The following DGKB variants were observed in gnomAD, a reference collection of about 807,000 sequenced individuals.
DGKB encodes the protein 90 kDa diacylglycerol kinase.
Under a neutral mutation model 114.3 loss-of-function variants are expected in DGKB, and 67 were observed. That is an observed-to-expected ratio of 0.59 (90% CI 0.48 to 0.72). The LOEUF (loss-of-function observed/expected upper bound fraction) is 0.72, where lower values mean the gene tolerates loss of function less well. Among genes scored for constraint, DGKB ranks in the 30% least tolerant of loss-of-function variants. DGKB has a pLI of 0.00. For synonymous variants in DGKB, 398 were observed against 323.1 expected, an observed-to-expected ratio of 1.23 and a Z score of -2.49; for missense variants, 907 against 975.2, an observed-to-expected ratio of 0.93 and a Z score of 0.93.
intron 23 of DGKB, among the ~76,000 whole-genome samples, chr7:14,202,705 C>T (rs1428092941): frequency 1.3e-5 from 2 of 151,886 alleles, no homozygotes; most frequent in South Asian, 4.1e-4. Context: ...CAATTTGATA[C>T]TATTATTAAA....
At chr7:14,934,441 T>C (rs1785177873) in intron 1 of DGKB, among the ~76,000 whole-genome samples, 1 of 152,182 alleles carries the variant, frequency 6.6e-6, no homozygotes, top group Non-Finnish European at 1.5e-5. Context: ...GCTGGAGTAC[T>C]TGACATACTA....
At chr7:14,524,702 G>A (rs540949682) in intron 20 of DGKB, among the ~76,000 whole-genome samples, 10 of 149,774 alleles carry the variant, frequency 6.7e-5, no homozygotes, top group Admixed American at 1.3e-4. Context: ...GTTGCAGTGA[G>A]TGGAGATCGC....
intron 13 of DGKB, among the ~76,000 whole-genome samples, chr7:14,635,703 ATGTTTG>A (rs1394887393): frequency 6.6e-6 from 1 of 151,590 alleles, no homozygotes; most frequent in Non-Finnish European, 1.5e-5. Context: ...ATATGTGATT[ATGTTTG>A]TGTATGTTTG....
At chr7:14,389,880 G>A (rs1821057476) in intron 21 of DGKB, among the ~76,000 whole-genome samples, 1 of 152,168 alleles carries the variant, frequency 6.6e-6, no homozygotes, top group Non-Finnish European at 1.5e-5. Context: ...TCGTTATCTA[G>A]TTCAGCTCTC....
chr7:14,746,852 A>AT (rs1278528564), intron 4 of DGKB, among the ~76,000 whole-genome samples: 1 of 152,188 alleles, frequency 6.6e-6, no homozygotes, highest in Non-Finnish European at 1.5e-5. Flanking sequence ...ATCTTTCTGA[A>AT]TAAAAACTTC....
intron 23 of DGKB, among the ~76,000 whole-genome samples, chr7:14,260,264 C>T (rs1268571990): frequency 2.6e-5 from 4 of 152,094 alleles, no homozygotes; most frequent in Non-Finnish European, 1.5e-5. Flanking sequence ...TGCTGACTTC[C>T]AAACAGAAAT....
intron 21 of DGKB, among the ~76,000 whole-genome samples, chr7:14,368,981 T>C (rs1817170305): frequency 2.6e-5 from 4 of 152,136 alleles, no homozygotes; most frequent in Non-Finnish European, 5.9e-5. Flanking sequence ...TGCAGGTTTG[T>C]TACATAGGTA....
chr7:14,641,796 A>AT (rs150411983), intron 13 of DGKB, among the ~76,000 whole-genome samples: 4 of 152,098 alleles, frequency 2.6e-5, no homozygotes, highest in Admixed American at 6.5e-5. Context: ...TAGAATAAGC[A>AT]TTTTTTTATT....
chr7:14,678,794 T>G (rs1820324600), intron 12 of DGKB, among the ~76,000 whole-genome samples: 1 of 151,914 alleles, frequency 6.6e-6, no homozygotes, highest in Non-Finnish European at 1.5e-5. Flanking sequence ...AGTCAAGAGG[T>G]GCTAAGAGCT....
At chr7:14,421,908 C>A (rs1332952958) in intron 21 of DGKB, among the ~76,000 whole-genome samples, 1 of 151,902 alleles carries the variant, frequency 6.6e-6, no homozygotes, top group African/African-American at 2.4e-5. Context: ...AATATCTCAC[C>A]ATGTTTCCAT....
chr7:14,376,734 G>C (rs1246896216), intron 21 of DGKB, among the ~76,000 whole-genome samples: 1 of 152,164 alleles, frequency 6.6e-6, no homozygotes, highest in Non-Finnish European at 1.5e-5. Context: ...CTAAACGTGT[G>C]AGAAGCCATT....
At chr7:14,174,673 ACCACGAGTTTTACCACTATTT>A (rs1448659859) in intron 25 of DGKB, among the ~76,000 whole-genome samples, 18 of 152,084 alleles carry the variant, frequency 1.2e-4, no homozygotes, top group Non-Finnish European at 2.9e-5. Flanking sequence ...CACCACCATT[ACCACGAGTTTTACCACTATTT>A]CCACCATCAC....
rs77392818 is a variant in DGKB, at chr7:14,585,753, G to A, written c.1434-2616C>T. ...TTTTCCAACAGCACATGCTCACTTG[G>A]TGTCTGTGTCACATTTTTGTAATTA... On this transcript the variant is annotated intron_variant, in intron 17 of 25. Transcript: ENST00000402815. 5.2e-3 allele frequency among the ~76,000 whole-genome samples: 789 copies of A among 152,152 alleles called. 1 individual carries two copies. Among genetic ancestry groups the A allele is most frequent in the African/African-American group, 0.018 (742 of 41,514 alleles).
At chr7:14,647,368 G>C (rs1322947678) in intron 13 of DGKB, among the ~76,000 whole-genome samples, 1 of 151,930 alleles carries the variant, frequency 6.6e-6, no homozygotes, top group Non-Finnish European at 1.5e-5. Flanking sequence ...ACAAGGCCCA[G>C]GACAGAGAGT....
chr7:14,855,714 T>C (rs1180564927), intron 1 of DGKB, among the ~76,000 whole-genome samples: 5 of 152,200 alleles, frequency 3.3e-5, no homozygotes, highest in Non-Finnish European at 7.3e-5. Flanking sequence ...CAGATTCTTT[T>C]CATATTTAAT....
At chr7:14,960,371 T>G (rs1345161097) in intron 1 of DGKB, among the ~76,000 whole-genome samples, 1 of 152,044 alleles carries the variant, frequency 6.6e-6, no homozygotes, top group Non-Finnish European at 1.5e-5. Flanking sequence ...CCTAAAAAGT[T>G]TTTTTAATGA....
intron 23 of DGKB, among the ~76,000 whole-genome samples, chr7:14,262,417 G>C (rs905772266): frequency 6.6e-6 from 1 of 152,126 alleles, no homozygotes; most frequent in Non-Finnish European, 1.5e-5. Flanking sequence ...CTTCTACTTT[G>C]TGAGGACACA....
chr7:14,315,381 G>A (rs1480149003), intron 23 of DGKB, among the ~76,000 whole-genome samples: 1 of 149,442 alleles, frequency 6.7e-6, no homozygotes, highest in Non-Finnish European at 1.5e-5. Context: ...CTGTATTCAG[G>A]AAACCCATCT....
intron 13 of DGKB, among the ~76,000 whole-genome samples, chr7:14,638,824 C>T (rs1425831390): frequency 3.3e-5 from 5 of 151,972 alleles, no homozygotes; most frequent in African/African-American, 1.2e-4. Context: ...AGTGGATCAT[C>T]TGAGGAGTTT....
Sources: gnomAD v4.1 joint callset for allele counts (sites outside exome capture counted in the v4.1 genomes callset) on GRCh38, gnomAD v4.1.1 for gene constraint, MANE v1.5 for transcripts, NCBI Gene and HGNC (gene_info 2026-07-23, HGNC 2026-07-21) for gene names.